The following KCNJ5 variants were observed in gnomAD, a reference collection of about 807,000 sequenced individuals.
KCNJ5 encodes G protein-activated inward rectifier potassium channel 4.
A neutral mutation model predicts 20.2 loss-of-function variants in KCNJ5; 12 were observed. The ratio of observed to expected loss-of-function variants is 0.59; its 90% confidence interval spans 0.38 to 0.96. The LOEUF (loss-of-function observed/expected upper bound fraction) is 0.96, where lower values mean the gene tolerates loss of function less well. Among genes scored for constraint, KCNJ5 ranks in the 40% least tolerant of loss-of-function variants. The probability of loss-of-function intolerance (pLI) is 0.00; values close to 1 mark genes in which losing one functional copy is unlikely to be tolerated. For missense variants in KCNJ5, 449 were observed against 557.6 expected (o/e 0.81, Z 1.96); for synonymous variants, 210 against 213.9 (o/e 0.98, Z 0.16).
At chr11:128,904,819 C>CA (rs995271016) in intron 1 of KCNJ5, among the ~76,000 whole-genome samples, 7 of 152,160 alleles carry the variant, frequency 4.6e-5, no homozygotes, top group African/African-American at 1.7e-4. Flanking sequence ...ACACCTACTC[C>CA]ATCATGTGCT....
intron 1 of KCNJ5, chr11:128,902,377 G>A (rs993247502): frequency 2.3e-5 from 17 of 728,944 alleles, no homozygotes; most frequent in Non-Finnish European, 2.9e-5. Context: ...TACTGTTGGT[G>A]AACTGGAGGA....
At chr11:128,898,111 T>C (rs967899452) in intron 1 of KCNJ5, among the ~76,000 whole-genome samples, 15 of 152,230 alleles carry the variant, frequency 9.9e-5, no homozygotes, top group African/African-American at 3.4e-4. Flanking sequence ...CTTTATTCTT[T>C]TCCAAAATTG....
chr11:128,891,949 C>T (rs888614737), intron 1 of KCNJ5, among the ~76,000 whole-genome samples: 3 of 152,248 alleles, frequency 2.0e-5, no homozygotes, highest in Admixed American at 6.5e-5. Flanking sequence ...GCCATAAACA[C>T]CTTCACTTCT....
chr11:128,904,406 C>T lies in KCNJ5; in HGVS notation c.-10-6858C>T, dbSNP rs145065305. ...AGGAACTCCTTGCGGACAGAGAACG[C>T]ATCAAGGGTCGTCAATCTCATTACC... On this transcript the variant is annotated intron_variant, in intron 1 of 2. Transcript: ENST00000529694. The T allele has an allele frequency of 2.5e-4, 408 of 1,613,784 alleles. 3 individuals carry two copies. The East Asian group carries it at 9.0e-3, about 36-fold the overall frequency.
chr11:128,913,883 G>GA (rs767734561), intron 2 of KCNJ5, among the ~76,000 whole-genome samples: 202 of 152,290 alleles, frequency 1.3e-3, no homozygotes, highest in Non-Finnish European at 1.9e-3. Flanking sequence ...CAGCCCCCAG[G>GA]AAGCTGGCTG....
intron 1 of KCNJ5, among the ~76,000 whole-genome samples, chr11:128,908,717 C>T (rs1203693275): frequency 3.9e-5 from 6 of 152,196 alleles, no homozygotes; most frequent in Admixed American, 2.0e-4. Context: ...AGGATGTGAG[C>T]TCCCATGTGC....
At position 128,902,797 on chromosome 11, in the gene KCNJ5, C is replaced by T. The variant is rs554948616; in HGVS notation, c.-10-8467C>T. The T allele has an allele frequency of 4.8e-5, 69 of 1,442,788 alleles. No individual in the cohort carries two copies. The African/African-American group carries it at 5.1e-4, about 11-fold the overall frequency. 89.4% of individuals were successfully genotyped at this position (1,442,788 alleles called of 1,614,324 possible). A position where few individuals can be genotyped will look rare whatever the true frequency, so the allele number is the denominator to read the frequency against. ...ACAGCACTCTCAGCCTAACTCACAA[C>T]GCAGCCCAACATGTCCATGGGCAGA... On this transcript the variant is annotated intron_variant, in intron 1 of 2. Coordinates refer to ENST00000529694, the MANE Select transcript of KCNJ5 (RefSeq NM_000890.5).
chr11:128,899,078 C>T (rs1944223090), intron 1 of KCNJ5, among the ~76,000 whole-genome samples: 1 of 152,170 alleles, frequency 6.6e-6, no homozygotes, highest in Non-Finnish European at 1.5e-5. Context: ...TTTCTTGAAT[C>T]ATTTAAGCAT....
intron 1 of KCNJ5, chr11:128,901,376 T>G (rs35389724): frequency 4.6e-5 from 7 of 151,464 alleles, no homozygotes; most frequent in Non-Finnish European, 1.0e-4. Context: ...CAGTCCAGAG[T>G]AGTGCACGCA....
At chr11:128,895,729 C>G (rs149028310) in intron 1 of KCNJ5, among the ~76,000 whole-genome samples, 31 of 152,370 alleles carry the variant, frequency 2.0e-4, no homozygotes, top group African/African-American at 7.5e-4. Flanking sequence ...TGCCTGGGGG[C>G]GGGCAGAGCT....
At chr11:128,901,753 T>A (rs1355892546) in intron 1 of KCNJ5, 1 of 152,266 alleles carries the variant, frequency 6.6e-6, no homozygotes, top group East Asian at 1.9e-4. Context: ...TGGGCGTCAG[T>A]GACAGCTCCC....
rs780052854 is a variant in KCNJ5, at chr11:128,911,681, C to T, written c.408C>T (p.Phe136=). 23 of 1,614,084 alleles carry T rather than the reference C, an allele frequency of 1.4e-5. No individual in the cohort carries two copies. Among genetic ancestry groups the T allele is most frequent in the South Asian group, 3.3e-5 (3 of 91,084 alleles). Residue 136 remains phenylalanine, a synonymous_variant, in exon 2 of 3, where the codon TTC becomes TTT. Transcript: ENST00000529694. This position sits in a 1 kb window ranked among gnomAD's most constrained non-coding sequence, Gnocchi z 6.3. The stretch of plus-strand genomic sequence containing the variant: ...CTTGTGTTGAAAACCTCAGTGGCTT[C>T]GTGTCCGCTTTCCTGTTCTCCATTG... ...WIPCVENLSG[F]VSAFLFSIET... is the part of the protein sequence containing the mutation.
chr11:128,895,281 GC>G (rs1445025733), intron 1 of KCNJ5, among the ~76,000 whole-genome samples: 2 of 152,140 alleles, frequency 1.3e-5, no homozygotes, highest in Non-Finnish European at 2.9e-5. Context: ...ATTTCCTGCT[GC>G]TCAGAAAGGA....
intron 2 of KCNJ5, among the ~76,000 whole-genome samples, chr11:128,915,506 CT>C (rs899088316): frequency 1.8e-4 from 28 of 152,178 alleles, no homozygotes; most frequent in African/African-American, 6.5e-4. Flanking sequence ...CCTTTCCTGC[CT>C]TTTTTCCCAT....
intron 2 of KCNJ5, among the ~76,000 whole-genome samples, chr11:128,913,627 A>C (rs1054299635): frequency 5.3e-5 from 8 of 150,996 alleles, no homozygotes; most frequent in African/African-American, 2.0e-4. Context: ...TCAGGCCCTA[A>C]GGATGGGTTC....
Position 128,911,556 on chromosome 11 carries a change from AT to A in KCNJ5, c.284del (p.Met95ArgfsTer158). The A allele has an allele frequency of 6.2e-7, 1 of 1,614,174 alleles. No individual in the cohort carries two copies. Among genetic ancestry groups the A allele is most frequent in the East Asian group, 2.2e-5 (1 of 44,878 alleles). On this transcript the variant is annotated frameshift_variant, in exon 2 of 3. Transcript: ENST00000529694. LOFTEE classifies it high-confidence loss of function. This position sits in a 1 kb window ranked among gnomAD's most constrained non-coding sequence, Gnocchi z 6.3. Reference sequence around the variant, plus strand: ...GCGCTTCAACTTGCTCGTCTTCACCATGGTTTACACTGTCACCTGGCTGTTC... The same window carrying A: ...GCGCTTCAACTTGCTCGTCTTCACCAGGTTTACACTGTCACCTGGCTGTTC... ...KWRFNLLVFT[M>X]VYTVTWLFFG...
chr11:128,915,215 C>A (rs1166076288), intron 2 of KCNJ5, among the ~76,000 whole-genome samples: 2 of 152,212 alleles, frequency 1.3e-5, no homozygotes, highest in African/African-American at 4.8e-5. Context: ...CAGAGGCCTC[C>A]TCATCCATAA....
chr11:128,891,861 G>C (rs1484751119), intron 1 of KCNJ5, 140 bp downstream of exon 1: 1 of 152,322 alleles, frequency 6.6e-6, no homozygotes, highest in Non-Finnish European at 1.5e-5. Context: ...GGGGGATAAG[G>C]AAAAGCTTAG....
In KCNJ5 at chr11:128,912,027, C is replaced by T. The variant is rs1279050765; in HGVS notation, c.754C>T (p.Leu252=). 1 of 1,613,278 alleles carries T rather than the reference C, an allele frequency of 6.2e-7. No homozygotes were observed. The highest frequency in any genetic ancestry group is 1.7e-5 in the Admixed American group (1 of 60,026). The part of the protein sequence containing the change: ...RQTKEGEFIP[L]NQTDINVGFD... ...GACCAAAGAGGGGGAGTTCATCCCCCTGAACCAGACAGACATCAACGTGGG... is the reference window on the plus strand; with the variant it reads ...GACCAAAGAGGGGGAGTTCATCCCCTTGAACCAGACAGACATCAACGTGGG... The change falls in exon 2 of 3, where the codon CTG becomes TTG. Residue 252 remains leucine, a synonymous_variant. Coordinates refer to ENST00000529694, the MANE Select transcript of KCNJ5 (RefSeq NM_000890.5).
Sources: gnomAD v4.1 joint callset for allele counts (sites outside exome capture counted in the v4.1 genomes callset) on GRCh38, gnomAD v4.1.1 for gene constraint, Gnocchi (gnomAD v3.1) non-coding constraint, MANE v1.5 for transcripts, NCBI Gene and HGNC (gene_info 2026-07-23, HGNC 2026-07-21) for gene names.